Variants in PLEKHA5 observed in about 807,000 individuals in gnomAD.
PLEKHA5 encodes the protein pleckstrin homology domain-containing family A member 5.
A neutral mutation model predicts 181.9 loss-of-function variants in PLEKHA5; 55 were observed. The observed-to-expected ratio is 0.30, with a 90% CI of 0.24 to 0.38. The LOEUF is 0.38. PLEKHA5 is among the 10% of genes least tolerant of loss of function. PLEKHA5 has a pLI of 1.00. For missense variants in PLEKHA5, 1,432 were observed against 1,549.5 expected (o/e 0.92, Z 1.27); for synonymous variants, 535 against 529.4 (o/e 1.01, Z -0.15).
At chr12:19,284,194 G>A (rs544665878) in intron 12 of PLEKHA5, among the ~76,000 whole-genome samples, 103 of 151,938 alleles carry the variant, frequency 6.8e-4, no homozygotes, top group African/African-American at 2.3e-3. Flanking sequence ...TCAGCCTCCC[G>A]AGTAGCTGGG....
At chr12:19,344,439 A>G (rs1026378554) in intron 22 of PLEKHA5, among the ~76,000 whole-genome samples, 2 of 152,218 alleles carry the variant, frequency 1.3e-5, no homozygotes, top group Non-Finnish European at 2.9e-5. Context: ...GCAGTGTAAG[A>G]ATCCATTGTA....
At chr12:19,167,275 TTA>T (rs1296820022) in intron 3 of PLEKHA5, among the ~76,000 whole-genome samples, 1 of 152,184 alleles carries the variant, frequency 6.6e-6, no homozygotes, top group Non-Finnish European at 1.5e-5. Context: ...CATAGCCTAC[TTA>T]TATGATATAT....
intron 3 of PLEKHA5, among the ~76,000 whole-genome samples, chr12:19,243,772 C>CA (rs779605651): frequency 2.6e-5 from 4 of 151,620 alleles, no homozygotes; most frequent in Admixed American, 6.6e-5. Flanking sequence ...TTTTACCCCT[C>CA]AAAAAAAATT....
chr12:19,282,061 C>CG (rs1407903121), intron 11 of PLEKHA5, among the ~76,000 whole-genome samples: 3 of 152,132 alleles, frequency 2.0e-5, no homozygotes, highest in Admixed American at 6.5e-5. Flanking sequence ...GGATTACAGG[C>CG]GTGAGCCACT....
chr12:19,335,005 A>T (rs1194593990), intron 20 of PLEKHA5, among the ~76,000 whole-genome samples: 2 of 116,798 alleles, frequency 1.7e-5, no homozygotes, highest in African/African-American at 6.4e-5. Context: ...AAAAAAAAAG[A>T]CTGGCAAGAT....
intron 23 of PLEKHA5, among the ~76,000 whole-genome samples, chr12:19,346,773 A>T (rs192411027): frequency 1.6e-4 from 24 of 152,264 alleles, no homozygotes; most frequent in Admixed American, 1.6e-3. Flanking sequence ...AAGCTAACCT[A>T]TATGTTACAG....
At chr12:19,148,740 A>G (rs879886716) in intron 3 of PLEKHA5, among the ~76,000 whole-genome samples, 2 of 152,254 alleles carry the variant, frequency 1.3e-5, no homozygotes, top group Non-Finnish European at 2.9e-5. Flanking sequence ...GGAAAAGTAG[A>G]TGCATTTCTC....
chr12:19,336,983 CTT>C (rs1227139242), intron 21 of PLEKHA5, among the ~76,000 whole-genome samples: 3 of 112,654 alleles, frequency 2.7e-5, no homozygotes, highest in Non-Finnish European at 5.3e-5. Context: ...TATCTTTTAT[CTT>C]TTTTTTTTTT....
At chr12:19,242,969 A>G (rs1484088881) in intron 3 of PLEKHA5, among the ~76,000 whole-genome samples, 1 of 152,208 alleles carries the variant, frequency 6.6e-6, no homozygotes, top group Non-Finnish European at 1.5e-5. Flanking sequence ...GCTTCCAAGG[A>G]TGAGAGGCAT....
At chr12:19,140,480 T>C (rs189032721) in intron 3 of PLEKHA5, among the ~76,000 whole-genome samples, 3 of 152,310 alleles carry the variant, frequency 2.0e-5, no homozygotes, top group Admixed American at 2.0e-4. Context: ...GAGTGTCCTC[T>C]GAACTACTTA....
chr12:19,186,559 A>C lies in PLEKHA5; in HGVS notation c.227+54109A>C, dbSNP rs76601878. Among the ~76,000 whole-genome samples the C allele has an allele frequency of 8.5e-3, 1,294 of 152,314 alleles. 10 individuals are homozygous for C. The highest frequency in any genetic ancestry group is 0.026 in the East Asian group (136 of 5,176). ...TTTCTTCTATAGAATAATGCCAACT[A>C]CTTTCTAATTAGTAGCTAGAAGAAA... On this transcript the variant is annotated intron_variant, in intron 3 of 31. Coordinates refer to ENST00000429027, the MANE Select transcript of PLEKHA5 (RefSeq NM_001256470.2).
intron 3 of PLEKHA5, among the ~76,000 whole-genome samples, chr12:19,188,126 G>A (rs2050265926): frequency 6.6e-6 from 1 of 152,206 alleles, no homozygotes; most frequent in South Asian, 2.1e-4. Context: ...GGTAAGGAAA[G>A]TGTGGCCACT....
chr12:19,246,073 G>A (rs2063672881), intron 3 of PLEKHA5, among the ~76,000 whole-genome samples: 1 of 150,044 alleles, frequency 6.7e-6, no homozygotes, highest in South Asian at 2.1e-4. Context: ...CCATCTCCCA[G>A]GTTCATGCCA....
At chr12:19,309,640 G>A (rs1423255968) in intron 15 of PLEKHA5, among the ~76,000 whole-genome samples, 1 of 151,998 alleles carries the variant, frequency 6.6e-6, no homozygotes, top group Non-Finnish European at 1.5e-5. Context: ...CAGCTACTCG[G>A]GAGTCTGAGG....
At chr12:19,225,098 A>G (rs1475965873) in intron 3 of PLEKHA5, among the ~76,000 whole-genome samples, 1 of 152,184 alleles carries the variant, frequency 6.6e-6, no homozygotes, top group Non-Finnish European at 1.5e-5. Context: ...ATACCAGTGG[A>G]AAGGGTTTTT....
intron 22 of PLEKHA5, 109 bp downstream of exon 22, chr12:19,343,543 ACAAT>A (rs1437423046): frequency 1.7e-5 from 12 of 707,632 alleles, no homozygotes; most frequent in Non-Finnish European, 3.0e-5. Flanking sequence ...ATTGTGTTGT[ACAAT>A]CAGAGTGTAC....
At chr12:19,238,710 G>A (rs1384562422) in intron 3 of PLEKHA5, among the ~76,000 whole-genome samples, 1 of 144,324 alleles carries the variant, frequency 6.9e-6, no homozygotes, top group Admixed American at 7.5e-5. Context: ...GAGACATTAT[G>A]ACATCATAGG....
chr12:19,160,493 A>G (rs568943824), intron 3 of PLEKHA5, among the ~76,000 whole-genome samples: 1 of 152,264 alleles, frequency 6.6e-6, no homozygotes, highest in African/African-American at 2.4e-5. Context: ...AGAATATCAC[A>G]CCAAAAAATG....
chr12:19,307,023 T>C, intron 15 of PLEKHA5: 2 of 1,487,532 alleles, frequency 1.3e-6, no homozygotes, highest in Non-Finnish European at 1.9e-6. Context: ...CTCTTGTTCC[T>C]GCCCTTGCTG....
Sources: allele counts gnomAD v4.1 joint callset (sites outside exome capture counted in the v4.1 genomes callset), GRCh38; gene constraint gnomAD v4.1.1; transcripts MANE v1.5; gene names NCBI Gene and HGNC (gene_info 2026-07-23, HGNC 2026-07-21).